Variants in MYO5B observed in about 807,000 individuals in gnomAD.
The protein encoded by MYO5B is unconventional myosin-Vb.
Under a neutral mutation model 229.3 loss-of-function variants are expected in MYO5B, and 143 were observed. That is an observed-to-expected ratio of 0.62 (90% CI 0.54 to 0.72). The LOEUF is 0.72. Ranked by LOEUF, MYO5B falls within the 30% of genes least tolerant of loss-of-function variation. The pLI is 0.00. For synonymous variants in MYO5B, 918 were observed against 885.2 expected (o/e 1.04, Z -0.66); for missense variants, 2,321 against 2,331.0 (o/e 1.00, Z 0.09).
chr18:49,899,694 A>T (rs2024818730), intron 21 of MYO5B, among the ~76,000 whole-genome samples: 1 of 152,174 alleles, frequency 6.6e-6, no homozygotes, highest in Non-Finnish European at 1.5e-5. Flanking sequence ...GAATAATATT[A>T]ATGTTTATCT....
chr18:49,943,895 A>G (rs944091354), intron 14 of MYO5B, among the ~76,000 whole-genome samples: 2 of 152,128 alleles, frequency 1.3e-5, no homozygotes, highest in Non-Finnish European at 2.9e-5. Context: ...TCTCTTAGGG[A>G]GGGAAGTCTG....
intron 3 of MYO5B, among the ~76,000 whole-genome samples, chr18:50,037,462 C>T (rs1183831291): frequency 6.6e-6 from 1 of 152,196 alleles, no homozygotes; most frequent in Admixed American, 6.5e-5. Flanking sequence ...ATACAATTTA[C>T]ATATCTTGAG....
intron 9 of MYO5B, among the ~76,000 whole-genome samples, chr18:49,978,718 C>T (rs1382125903): frequency 1.3e-5 from 2 of 150,132 alleles, no homozygotes; most frequent in Non-Finnish European, 3.0e-5. Flanking sequence ...CACACACACA[C>T]ACACACACAC....
chr18:50,181,931 T>G (rs1484465670), intron 1 of MYO5B, among the ~76,000 whole-genome samples: 1 of 152,198 alleles, frequency 6.6e-6, no homozygotes, highest in Non-Finnish European at 1.5e-5. Flanking sequence ...TGATTAAATC[T>G]GATGATGGGA....
chr18:50,074,930 C>T (rs1207321709), intron 1 of MYO5B, among the ~76,000 whole-genome samples: 1 of 152,034 alleles, frequency 6.6e-6, no homozygotes, highest in African/African-American at 2.4e-5. Context: ...AAGTGATTCT[C>T]CTGCCTCAGC....
intron 22 of MYO5B, among the ~76,000 whole-genome samples, chr18:49,883,432 G>C (rs9947949): frequency 0.21 from 30,780 of 150,116 alleles, 3,460 homozygotes; most frequent in East Asian, 0.41. Context: ...TTTAACAAGA[G>C]AAGTATAAAA....
rs1249195797 is a variant in MYO5B, at chr18:49,823,399, T to C, written c.*3072A>G. 1.3e-5 allele frequency: 2 copies of C among 152,322 alleles called. No homozygotes were observed. Among genetic ancestry groups the C allele is most frequent in the African/African-American group, 4.8e-5 (2 of 41,484 alleles). The allele number at this position is 152,322 out of a possible 1,614,324, so 9.4% of individuals were successfully genotyped here. On this transcript the variant is annotated 3_prime_UTR_variant, in exon 40 of 40. Transcript: ENST00000285039. ...TTTAGTTATGCAGGCATTATACAAA[T>C]GCCTCAATTTAGGACACCCTTGCTG...
rs563465571 is a variant in MYO5B, at chr18:49,988,317, G to A, written c.838+2122C>T. Among the ~76,000 whole-genome samples, 9 of 152,300 alleles carry A rather than the reference G, an allele frequency of 5.9e-5. No individual in the cohort carries two copies. In the East Asian group the frequency reaches 1.7e-3, roughly 29 times the overall value. On this transcript the variant is annotated intron_variant, in intron 7 of 39. Transcript: ENST00000285039. The stretch of plus-strand genomic sequence containing the variant: ...CCTCAGCCAATCCACCCATGAGGCC[G>A]AGGACAGCCTGACACCAGAGCACAA...
At chr18:49,863,855 G>A (rs910779101) in intron 28 of MYO5B, among the ~76,000 whole-genome samples, 1 of 152,166 alleles carries the variant, frequency 6.6e-6, no homozygotes, top group Non-Finnish European at 1.5e-5. Flanking sequence ...ACTTCAGAAA[G>A]CAAACAGCAA....
At chr18:49,841,897 A>G (rs1315567796) in intron 34 of MYO5B, among the ~76,000 whole-genome samples, 1 of 152,184 alleles carries the variant, frequency 6.6e-6, no homozygotes, top group Non-Finnish European at 1.5e-5. Flanking sequence ...TGTCCCATTT[A>G]TCTAGATGTC....
intron 1 of MYO5B, among the ~76,000 whole-genome samples, chr18:50,159,747 A>G (rs1048186449): frequency 2.6e-5 from 4 of 151,966 alleles, no homozygotes; most frequent in Non-Finnish European, 5.9e-5. Flanking sequence ...CCTCTCTCCC[A>G]GTGTTTGTTA....
At chr18:50,048,366 C>T (rs1488641803) in intron 2 of MYO5B, among the ~76,000 whole-genome samples, 1 of 152,100 alleles carries the variant, frequency 6.6e-6, no homozygotes, top group South Asian at 2.1e-4. Context: ...GCAAATTAAC[C>T]CTGAAACTTC....
intron 1 of MYO5B, among the ~76,000 whole-genome samples, chr18:50,143,176 G>A (rs2032444027): frequency 6.6e-6 from 1 of 152,188 alleles, no homozygotes; most frequent in South Asian, 2.1e-4. Flanking sequence ...CACTAAGAAG[G>A]TCATTGACAA....
chr18:49,857,384 C>A (rs2024274997), intron 29 of MYO5B, among the ~76,000 whole-genome samples: 1 of 152,176 alleles, frequency 6.6e-6, no homozygotes, highest in South Asian at 2.1e-4. Flanking sequence ...TGGTGGGGAA[C>A]ACATTGCATC....
At chr18:49,947,593 A>G (rs967065884) in intron 14 of MYO5B, among the ~76,000 whole-genome samples, 4 of 152,238 alleles carry the variant, frequency 2.6e-5, no homozygotes, top group Non-Finnish European at 5.9e-5. Context: ...TTATGTGTTT[A>G]GAGTTATTAA....
At chr18:50,090,230 C>G (rs2031418838) in intron 1 of MYO5B, among the ~76,000 whole-genome samples, 2 of 151,730 alleles carry the variant, frequency 1.3e-5, no homozygotes, top group Admixed American at 1.3e-4. Flanking sequence ...AAATCACCAT[C>G]TACAGGGGAA....
intron 39 of MYO5B, among the ~76,000 whole-genome samples, chr18:49,828,911 TAA>T (rs202086160): frequency 0.025 from 3,736 of 146,958 alleles, 140 homozygotes; most frequent in South Asian, 0.12. Context: ...ATGTCTACAT[TAA>T]AAAAAAAAAT....
intron 10 of MYO5B, 44 bp downstream of exon 10, chr18:49,974,306 C>T: frequency 6.2e-7 from 1 of 1,613,776 alleles, no homozygotes; most frequent in East Asian, 2.2e-5. Context: ...GAGCAGGAAG[C>T]CACTCCCAGG....
chr18:49,906,049 G>A (rs373579917), intron 19 of MYO5B, among the ~76,000 whole-genome samples: 2 of 152,302 alleles, frequency 1.3e-5, no homozygotes, highest in South Asian at 2.1e-4. Context: ...AATAAGTAAT[G>A]AGGCCAAGCA....
Sources: allele counts gnomAD v4.1 joint callset (sites outside exome capture counted in the v4.1 genomes callset), GRCh38; gene constraint gnomAD v4.1.1; transcripts MANE v1.5; gene names NCBI Gene and HGNC (gene_info 2026-07-23, HGNC 2026-07-21).